The following SLC7A14 variants were observed in gnomAD, a reference collection of about 807,000 sequenced individuals.
SLC7A14 encodes solute carrier family 7 member 14, also known as gamma-aminobutyric acid transporter SLC7A14.
SLC7A14 carries 37 observed loss-of-function variants against 60.2 expected under a neutral mutation model. The observed-to-expected ratio is 0.61, with a 90% CI of 0.47 to 0.81. SLC7A14 has a LOEUF of 0.81. SLC7A14 is among the 30% of genes least tolerant of loss of function. SLC7A14 has a pLI of 0.00. For synonymous variants in SLC7A14, 399 were observed against 395.8 expected, an observed-to-expected ratio of 1.01 and a Z score of -0.10; for missense variants, 886 against 982.7, an observed-to-expected ratio of 0.90 and a Z score of 1.32.
intron 1 of SLC7A14, among the ~76,000 whole-genome samples, chr3:170,547,815 G>T (rs561648839): frequency 4.6e-5 from 7 of 152,250 alleles, no homozygotes; most frequent in Admixed American, 3.3e-4. Context: ...TTAAAGAGCT[G>T]CAGGATTGTT....
chr3:170,523,171 T>C (rs6802496), intron 2 of SLC7A14, among the ~76,000 whole-genome samples: 67,910 of 152,088 alleles, frequency 0.45, 15,931 homozygotes, highest in South Asian at 0.58. Flanking sequence ...GAAGTAGGTA[T>C]TATTATTTTT....
intron 2 of SLC7A14, among the ~76,000 whole-genome samples, chr3:170,524,593 T>C (rs719597): frequency 0.59 from 90,018 of 152,122 alleles, 26,926 homozygotes; most frequent in Middle Eastern, 0.71. Context: ...ACCCTTTGGG[T>C]ATATGGCTGC....
chr3:170,488,171 A>G (rs2108273166), intron 4 of SLC7A14, among the ~76,000 whole-genome samples: 1 of 152,370 alleles, frequency 6.6e-6, no homozygotes, highest in South Asian at 2.1e-4. Flanking sequence ...AATTCTCATA[A>G]GGGATCCACA....
intron 6 of SLC7A14, among the ~76,000 whole-genome samples, chr3:170,482,288 A>T (rs1711857453): frequency 6.6e-6 from 1 of 152,216 alleles, no homozygotes; most frequent in African/African-American, 2.4e-5. Context: ...TTGACAGCAG[A>T]AAAATCTTTT....
At chr3:170,562,353 G>A (rs1410927494) in intron 1 of SLC7A14, among the ~76,000 whole-genome samples, 1 of 152,148 alleles carries the variant, frequency 6.6e-6, no homozygotes, top group Non-Finnish European at 1.5e-5. Flanking sequence ...AACCTGGATG[G>A]GATTGGAGAC....
At chr3:170,546,505 C>T (rs73879207) in intron 1 of SLC7A14, among the ~76,000 whole-genome samples, 10,203 of 151,978 alleles carry the variant, frequency 0.067, 1,122 homozygotes, top group African/African-American at 0.23. Flanking sequence ...ACTTGTTTAA[C>T]GGGAAAAAGT....
chr3:170,474,176 C>T (rs1244665216), intron 7 of SLC7A14, among the ~76,000 whole-genome samples: 2 of 152,334 alleles, frequency 1.3e-5, no homozygotes, highest in African/African-American at 4.8e-5. Flanking sequence ...ACTGAAACTA[C>T]AAGCAACAAT....
chr3:170,540,103 T>C, intron 1 of SLC7A14, among the ~76,000 whole-genome samples: 1 of 152,184 alleles, frequency 6.6e-6, no homozygotes, highest in East Asian at 1.9e-4. Flanking sequence ...AAAGGAATGA[T>C]TCATGTCCTG....
At chr3:170,577,230 G>C (rs1202724296) in intron 1 of SLC7A14, among the ~76,000 whole-genome samples, 1 of 152,190 alleles carries the variant, frequency 6.6e-6, no homozygotes, top group East Asian at 1.9e-4. Flanking sequence ...GAATGGTGCT[G>C]GCCCAAGTGT....
chr3:170,481,095 G>A lies in SLC7A14; in HGVS notation c.1187C>T (p.Ala396Val), dbSNP rs764614187. ...VACIVSGFLA[A>V]LLALLVSLRD... is the part of the protein sequence containing the mutation. Reference sequence around the variant, plus strand: ...CAAGCTGACCAACAGTGCGAGGAGCGCTGCCAGGAACCCCGACACGATGCA... The same window carrying A: ...CAAGCTGACCAACAGTGCGAGGAGCACTGCCAGGAACCCCGACACGATGCA... Residue 396 changes from alanine to valine, a missense_variant, in exon 7 of 8, where the codon GCG becomes GTG. Ala to Val is a moderately conservative substitution (Grantham distance 64, BLOSUM62 0). Transcript: ENST00000231706. 1.1e-5 allele frequency: 17 copies of A among 1,613,952 alleles called. No homozygotes were observed. Among genetic ancestry groups the A allele is most frequent in the Middle Eastern group, 1.6e-4 (1 of 6,084 alleles).
Position 170,529,475 on chromosome 3 carries a change from A to G in SLC7A14, c.-152-2387T>C, listed in dbSNP as rs184455683. 4.6e-5 allele frequency among the ~76,000 whole-genome samples: 7 copies of G among 152,368 alleles called. No individual in the cohort carries two copies. In the East Asian group the frequency reaches 9.6e-4, roughly 21 times the overall value. ...TTTTAATTCATCCGTTCAAGAAACT[A>G]TACAAAGCATCTTCTCTGTGTCAGC... On this transcript the variant is annotated intron_variant, in intron 1 of 7. Coordinates refer to ENST00000231706, the MANE Select transcript of SLC7A14 (RefSeq NM_020949.3).
intron 3 of SLC7A14, among the ~76,000 whole-genome samples, chr3:170,499,881 T>C (rs1051078242): frequency 3.3e-5 from 5 of 152,216 alleles, no homozygotes; most frequent in African/African-American, 1.2e-4. Flanking sequence ...ATTTGTAAAG[T>C]GAAGGACATG....
rs112880082 is a variant in SLC7A14 at position 170,532,483 on chromosome 3, T to C, written c.-152-5395A>G. 0.016 allele frequency among the ~76,000 whole-genome samples: 2,510 copies of C among 152,332 alleles called. 72 individuals are homozygous for C. Among genetic ancestry groups the C allele is most frequent in the African/African-American group, 0.058 (2,406 of 41,566 alleles). On this transcript the variant is annotated intron_variant, in intron 1 of 7. Coordinates refer to ENST00000231706, the MANE Select transcript of SLC7A14 (RefSeq NM_020949.3). The surrounding 1 kb of genome is among the most constrained non-coding windows in gnomAD (Gnocchi z 4.0). ...CTCTGCCTTTACTAACTAAGTGACC[T>C]TGGGCAAACCTCACTATGCGTCAGT...
At chr3:170,556,550 A>G (rs897856865) in intron 1 of SLC7A14, among the ~76,000 whole-genome samples, 4 of 152,168 alleles carry the variant, frequency 2.6e-5, no homozygotes, top group African/African-American at 9.7e-5. Flanking sequence ...GGTCACAGCT[A>G]TTATTGTAAG....
chr3:170,549,534 C>G (rs1425935077), intron 1 of SLC7A14, among the ~76,000 whole-genome samples: 1 of 152,122 alleles, frequency 6.6e-6, no homozygotes, highest in Non-Finnish European at 1.5e-5. Flanking sequence ...TGGGCCAATC[C>G]CCTCTCTGCA....
chr3:170,552,856 T>C (rs1714387967), intron 1 of SLC7A14, among the ~76,000 whole-genome samples: 1 of 152,200 alleles, frequency 6.6e-6, no homozygotes, highest in Non-Finnish European at 1.5e-5. Flanking sequence ...TAATATGAAG[T>C]TCAAACTTCT....
chr3:170,547,643 G>A (rs1471651376), intron 1 of SLC7A14, among the ~76,000 whole-genome samples: 1 of 152,168 alleles, frequency 6.6e-6, no homozygotes, highest in Non-Finnish European at 1.5e-5. Context: ...GGAGGAAGAG[G>A]AGGGGTTGGT....
intron 4 of SLC7A14, chr3:170,495,988 G>T: frequency 8.7e-6 from 10 of 1,153,000 alleles, no homozygotes; most frequent in African/African-American, 4.5e-5. Flanking sequence ...ATCAATAAGC[G>T]TACAGAAACG....
chr3:170,480,575 C>G lies in SLC7A14; in HGVS notation c.1707G>C (p.Val569=), dbSNP rs532782595. Residue 569 remains valine (V), a synonymous_variant, in exon 7 of 8, where the codon GTG becomes GTC. Transcript: ENST00000231706. ...TGAACATGAGGATGAAGAGCAGGAG[C>G]ACGCAGATGGTCACCGTGTGCCCCG... ...AATGHTVTIC[V]LLLFILMFIF... The G allele has an allele frequency of 1.1e-5, 17 of 1,614,200 alleles. No individual in the cohort carries two copies. The South Asian group carries it at 1.6e-4, about 16-fold the overall frequency.
Sources: gnomAD v4.1 joint callset for allele counts (sites outside exome capture counted in the v4.1 genomes callset) on GRCh38, gnomAD v4.1.1 for gene constraint, Gnocchi (gnomAD v3.1) non-coding constraint, MANE v1.5 for transcripts, NCBI Gene and HGNC (gene_info 2026-07-23, HGNC 2026-07-21) for gene names.